Variants in CNTN3 observed in about 807,000 individuals in gnomAD.
CNTN3 encodes the protein contactin-3.
In CNTN3, 60 loss-of-function variants were observed where a neutral mutation model predicts 119.1. That is an observed-to-expected ratio of 0.50 (90% CI 0.41 to 0.62). The LOEUF (loss-of-function observed/expected upper bound fraction) is 0.62. Among genes scored for constraint, CNTN3 ranks in the 20% least tolerant of loss-of-function variants. The probability of loss-of-function intolerance (pLI) is 0.00; values close to 1 mark genes in which losing one functional copy is unlikely to be tolerated. For synonymous variants in CNTN3, 450 were observed against 438.7 expected (o/e 1.03, Z -0.32); for missense variants, 1,101 against 1,242.4 (o/e 0.89, Z 1.71).
At chr3:74,518,479 A>G (rs1042527364) in intron 2 of CNTN3, among the ~76,000 whole-genome samples, 1 of 151,882 alleles carries the variant, frequency 6.6e-6, no homozygotes, top group African/African-American at 2.4e-5. Flanking sequence ...TACAAATACT[A>G]CAGAAGAAAT....
intron 2 of CNTN3, among the ~76,000 whole-genome samples, chr3:74,510,873 C>T (rs1487773534): frequency 3.3e-5 from 5 of 152,068 alleles, no homozygotes; most frequent in African/African-American, 9.7e-5. Flanking sequence ...TGCCTGGACA[C>T]ATTCCACATC....
intron 1 of CNTN3, among the ~76,000 whole-genome samples, chr3:74,602,497 A>G (rs1704927970): frequency 6.6e-6 from 1 of 151,854 alleles, no homozygotes; most frequent in South Asian, 2.1e-4. Context: ...GTTCGCAAAT[A>G]TTCATTATTC....
chr3:74,565,145 C>T (rs890139156), intron 1 of CNTN3, among the ~76,000 whole-genome samples: 3 of 152,180 alleles, frequency 2.0e-5, no homozygotes, highest in Non-Finnish European at 4.4e-5. Context: ...CAAGTTATCA[C>T]ACTTACTGGC....
chr3:74,589,051 G>C (rs1483897730), intron 1 of CNTN3, among the ~76,000 whole-genome samples: 1 of 151,082 alleles, frequency 6.6e-6, no homozygotes, highest in Non-Finnish European at 1.5e-5. Context: ...CATGGGCAAG[G>C]ACTTCATGTC....
At chr3:74,375,533 G>T (rs1184796944) in intron 5 of CNTN3, among the ~76,000 whole-genome samples, 1 of 152,112 alleles carries the variant, frequency 6.6e-6, no homozygotes, top group Non-Finnish European at 1.5e-5. Flanking sequence ...GAACAATCTT[G>T]GGTTCCAGAT....
intron 4 of CNTN3, among the ~76,000 whole-genome samples, chr3:74,453,721 G>T (rs1031930742): frequency 1.4e-4 from 21 of 150,226 alleles, no homozygotes; most frequent in African/African-American, 4.9e-4. Context: ...TTGTGTCTTT[G>T]TTCTCGTTGG....
In CNTN3 at chr3:74,418,316, C is replaced by T. The variant is rs1273555757; in HGVS notation, c.454+6529G>A. Among the ~76,000 whole-genome samples the T allele has an allele frequency of 2.0e-5, 3 of 151,038 alleles. No homozygotes were observed. In the East Asian group the frequency reaches 5.8e-4, roughly 29 times the overall value. On this transcript the variant is annotated intron_variant, in intron 5 of 22. Coordinates refer to ENST00000263665, the MANE Select transcript of CNTN3 (RefSeq NM_020872.3). ...GTGCTGGGATTACAAACATGAGCCA[C>T]CATGTCCACTGCAGAAAACATATTC...
At chr3:74,291,000 T>G (rs1012912788) in intron 19 of CNTN3, among the ~76,000 whole-genome samples, 2 of 152,134 alleles carry the variant, frequency 1.3e-5, no homozygotes, top group Non-Finnish European at 2.9e-5. Flanking sequence ...GCTGCACCCA[T>G]TAACTCATCA....
rs370914844 is a variant in CNTN3, at chr3:74,489,364, A to G, written c.183-2733T>C. Reference sequence around the variant, plus strand: ...GCTCACTTTTAATTTAGCCTATTTCATATTCAACAACCGATTAGAAAGCCC... The same window carrying G: ...GCTCACTTTTAATTTAGCCTATTTCGTATTCAACAACCGATTAGAAAGCCC... On this transcript the variant is annotated intron_variant, in intron 3 of 22. Coordinates refer to ENST00000263665, the MANE Select transcript of CNTN3 (RefSeq NM_020872.3). Among the ~76,000 whole-genome samples, 47 of 152,132 alleles carry G rather than the reference A, an allele frequency of 3.1e-4. No homozygotes were observed. The East Asian group carries it at 4.8e-3, about 16-fold the overall frequency.
chr3:74,484,197 C>T (rs946695091), intron 4 of CNTN3, among the ~76,000 whole-genome samples: 1 of 152,072 alleles, frequency 6.6e-6, no homozygotes, highest in African/African-American at 2.4e-5. Context: ...CCACCAACAC[C>T]ATCTTGTAGA....
chr3:74,455,643 G>A (rs979355761), intron 4 of CNTN3, among the ~76,000 whole-genome samples: 1 of 151,898 alleles, frequency 6.6e-6, no homozygotes, highest in Non-Finnish European at 1.5e-5. Context: ...ATCTACTTTT[G>A]GTCTTTGATG....
Position 74,301,910 on chromosome 3 carries a change from T to C in CNTN3, c.1787-105A>G, listed in dbSNP as rs1406263592. The C allele has an allele frequency of 7.1e-6, 9 of 1,272,324 alleles. No homozygotes were observed. The African/African-American group carries it at 1.3e-4, about 19-fold the overall frequency. 78.8% of individuals were successfully genotyped at this position (1,272,324 alleles called of 1,614,324 possible). A position where few individuals can be genotyped will look rare whatever the true frequency, so the allele number is the denominator to read the frequency against. On this transcript the variant is annotated intron_variant, in intron 14 of 22. Coordinates refer to ENST00000263665, the MANE Select transcript of CNTN3 (RefSeq NM_020872.3). ...CATGACCACTTCAATATCTCTGACT[T>C]TTCCCAATTTCAGAAGCACTTAGGG... is the stretch of plus-strand genomic sequence containing the variant.
chr3:74,314,605 T>C (rs1177654291), intron 13 of CNTN3, among the ~76,000 whole-genome samples: 1 of 152,150 alleles, frequency 6.6e-6, no homozygotes, highest in African/African-American at 2.4e-5. Context: ...ATGTAACAAT[T>C]CTTTACGTGT....
intron 4 of CNTN3, among the ~76,000 whole-genome samples, chr3:74,433,413 A>T (rs904089958): frequency 1.3e-5 from 2 of 152,150 alleles, no homozygotes; most frequent in Non-Finnish European, 2.9e-5. Context: ...ATTTTAAAAC[A>T]GGTGTGCATT....
chr3:74,466,897 C>T (rs1702471537), intron 4 of CNTN3, among the ~76,000 whole-genome samples: 1 of 152,092 alleles, frequency 6.6e-6, no homozygotes, highest in Admixed American at 6.6e-5. Flanking sequence ...GGGAAATTGA[C>T]AGACAGCAGT....
At chr3:74,501,236 G>C (rs993665108) in intron 2 of CNTN3, among the ~76,000 whole-genome samples, 6 of 151,852 alleles carry the variant, frequency 4.0e-5, no homozygotes, top group African/African-American at 1.2e-4. Flanking sequence ...AGAAATTTGG[G>C]TCACGTGGTA....
rs1704088002 is a variant in CNTN3 at position 74,362,181 on chromosome 3, C to A, written c.1214-141G>T. ...TTGATTTACTTGGCTTATTGTGTGC[C>A]ACACACAGGATAATTCATGTTATTA... On this transcript the variant is annotated intron_variant, in intron 10 of 22. Coordinates refer to ENST00000263665, the MANE Select transcript of CNTN3 (RefSeq NM_020872.3). 3.9e-6 allele frequency: 3 copies of A among 771,124 alleles called. No individual in the cohort carries two copies. The East Asian group carries it at 8.2e-5, about 21-fold the overall frequency. 47.8% of individuals were successfully genotyped at this position (771,124 alleles called of 1,614,324 possible). A position where few individuals can be genotyped will look rare whatever the true frequency, so the allele number is the denominator to read the frequency against.
intron 11 of CNTN3, among the ~76,000 whole-genome samples, chr3:74,353,715 C>G (rs947624742): frequency 6.6e-6 from 1 of 151,876 alleles, no homozygotes; most frequent in Admixed American, 6.5e-5. Flanking sequence ...GAGATTGCGC[C>G]ACTGCACTCC....
At chr3:74,448,031 G>A (rs555650832) in intron 4 of CNTN3, among the ~76,000 whole-genome samples, 1 of 152,226 alleles carries the variant, frequency 6.6e-6, no homozygotes, top group African/African-American at 2.4e-5. Flanking sequence ...GCGAACACCT[G>A]CTTTAAGATT....
Sources: gnomAD v4.1 joint callset for allele counts (sites outside exome capture counted in the v4.1 genomes callset) on GRCh38, gnomAD v4.1.1 for gene constraint, MANE v1.5 for transcripts, NCBI Gene and HGNC (gene_info 2026-07-23, HGNC 2026-07-21) for gene names.